Variants in GOLM1 observed in about 807,000 individuals in gnomAD.
GOLM1 encodes the protein golgi membrane protein 1.
GOLM1 carries 31 observed loss-of-function variants against 50.5 expected under a neutral mutation model. The ratio of observed to expected loss-of-function variants is 0.61; its 90% confidence interval spans 0.46 to 0.83. The LOEUF is 0.83. Ranked by LOEUF, GOLM1 falls within the 40% of genes least tolerant of loss-of-function variation. The pLI is 0.00. For missense variants in GOLM1, 491 were observed against 501.3 expected, an observed-to-expected ratio of 0.98 and a Z score of 0.20; for synonymous variants, 178 against 192.8, an observed-to-expected ratio of 0.92 and a Z score of 0.64.
chr9:86,082,289 G>A (rs1834808444), intron 1 of GOLM1, among the ~76,000 whole-genome samples: 1 of 151,808 alleles, frequency 6.6e-6, no homozygotes, highest in South Asian at 2.1e-4. Flanking sequence ...GCCTCCCAAA[G>A]TGCTGGGATT....
intron 9 of GOLM1, among the ~76,000 whole-genome samples, chr9:86,032,719 C>T (rs572017789): frequency 3.9e-5 from 6 of 152,090 alleles, no homozygotes; most frequent in Non-Finnish European, 8.8e-5. Context: ...TTGTGGGCAC[C>T]ATGTTAGCTA....
intron 6 of GOLM1, among the ~76,000 whole-genome samples, chr9:86,037,400 T>C (rs1323555373): frequency 1.4e-5 from 2 of 145,698 alleles, no homozygotes; most frequent in African/African-American, 5.1e-5. Flanking sequence ...ATCATGCCAT[T>C]GCATTCCAGC....
intron 3 of GOLM1, among the ~76,000 whole-genome samples, chr9:86,061,196 A>G (rs1466759967): frequency 6.6e-6 from 1 of 152,200 alleles, no homozygotes; most frequent in East Asian, 1.9e-4. Flanking sequence ...AGGCACACAT[A>G]AGCTTGCCAC....
intron 3 of GOLM1, among the ~76,000 whole-genome samples, chr9:86,060,922 A>G (rs1393826591): frequency 7.5e-5 from 11 of 146,960 alleles, no homozygotes; most frequent in Admixed American, 2.0e-4. Flanking sequence ...AAAGAAGAAG[A>G]AGAAGAAGTT....
intron 5 of GOLM1, among the ~76,000 whole-genome samples, chr9:86,041,109 T>A (rs566437891): frequency 1.2e-3 from 175 of 151,874 alleles, no homozygotes; most frequent in African/African-American, 3.6e-3. Context: ...AGGCAGAAAA[T>A]TTTTTTTTAA....
At chr9:86,037,504 T>A (rs911908240) in intron 6 of GOLM1, among the ~76,000 whole-genome samples, 1 of 151,288 alleles carries the variant, frequency 6.6e-6, no homozygotes, top group Admixed American at 6.6e-5. Context: ...CCAAAACTTA[T>A]GGGAAGCAGC....
In GOLM1 at chr9:86,070,067, T is replaced by G. The variant is rs540510329; in HGVS notation, c.309+7345A>C. 9.2e-5 allele frequency among the ~76,000 whole-genome samples: 14 copies of G among 152,038 alleles called. No individual in the cohort carries two copies. In the South Asian group the frequency reaches 2.7e-3, roughly 29 times the overall value. On this transcript the variant is annotated intron_variant, in intron 3 of 9. Coordinates refer to ENST00000388712, the MANE Select transcript of GOLM1 (RefSeq NM_016548.4). ...CCCGGATAATTTTTTGTATTTTTGG[T>G]AGAGACAGGGTTTCACCATGTTGGC...
chr9:86,091,968 C>T (rs1835198664), intron 1 of GOLM1, among the ~76,000 whole-genome samples: 1 of 152,190 alleles, frequency 6.6e-6, no homozygotes, highest in South Asian at 2.1e-4. Flanking sequence ...AGACTGGAAT[C>T]CCATTGCCAT....
chr9:86,066,034 T>C (rs951786707), intron 3 of GOLM1, among the ~76,000 whole-genome samples: 1 of 152,186 alleles, frequency 6.6e-6, no homozygotes, highest in African/African-American at 2.4e-5. Context: ...AGTGAGACTC[T>C]GTCTCCAGAA....
At position 86,057,493 on chromosome 9, in the gene GOLM1, A is replaced by G. The variant is rs941259164; in HGVS notation, c.310-4902T>C. Among the ~76,000 whole-genome samples, 50 of 152,040 alleles carry G rather than the reference A, an allele frequency of 3.3e-4. 1 individual carries two copies. The highest frequency in any genetic ancestry group is 1.9e-4 in the East Asian group (1 of 5,140). On this transcript the variant is annotated intron_variant, in intron 3 of 9. Transcript: ENST00000388712. The stretch of plus-strand genomic sequence containing the variant: ...TTGGGAGGAGTGCCTCCCGGCTCCC[A>G]CCTGTGGGCTCACCCGAGCCGGGGT...
chr9:86,058,823 C>T (rs1265303328), intron 3 of GOLM1, among the ~76,000 whole-genome samples: 1 of 151,834 alleles, frequency 6.6e-6, no homozygotes, highest in Non-Finnish European at 1.5e-5. Context: ...ATGGCAAAAC[C>T]CCATCTCTAC....
In GOLM1 at chr9:86,090,135, A is replaced by G. The variant is rs192147440; in HGVS notation, c.-22+9276T>C. On this transcript the variant is annotated intron_variant, in intron 1 of 9. Coordinates refer to ENST00000388712, the MANE Select transcript of GOLM1 (RefSeq NM_016548.4). ...TCTGGAAGCTTTGTCGCAGAGGGGC[A>G]CCCACTAGATGCCAGCCGGAGCTCT... 6.6e-5 allele frequency among the ~76,000 whole-genome samples: 10 copies of G among 152,214 alleles called. No individual in the cohort carries two copies. The East Asian group carries it at 1.7e-3, about 27-fold the overall frequency.
chr9:86,071,364 C>T (rs1350810264), intron 3 of GOLM1, among the ~76,000 whole-genome samples: 1 of 152,076 alleles, frequency 6.6e-6, no homozygotes, highest in Non-Finnish European at 1.5e-5. Context: ...TCCCAAAGCA[C>T]CTATTTTTTT....
chr9:86,083,648 A>G (rs1834855325), intron 1 of GOLM1, among the ~76,000 whole-genome samples: 1 of 152,212 alleles, frequency 6.6e-6, no homozygotes, highest in Admixed American at 6.5e-5. Context: ...TCGGCCTCCC[A>G]AAGTGCTGGG....
chr9:86,040,927 G>T (rs1352946026), intron 5 of GOLM1, 59 bp from the exon 6 acceptor site: 34 of 1,535,030 alleles, frequency 2.2e-5, no homozygotes, highest in Non-Finnish European at 2.9e-5. Flanking sequence ...TCTGCTGGAC[G>T]GTGACATCCA....
chr9:86,047,136 A>G (rs1833573537), intron 4 of GOLM1, among the ~76,000 whole-genome samples: 1 of 143,654 alleles, frequency 7.0e-6, no homozygotes. Context: ...CACTCTCATC[A>G]GGGAAAGAGC....
intron 7 of GOLM1, among the ~76,000 whole-genome samples, chr9:86,035,866 C>CAAAAAAA (rs1276980708): frequency 0.017 from 779 of 46,446 alleles, 46 homozygotes; most frequent in East Asian, 0.065. Flanking sequence ...AGTAGCTTAC[C>CAAAAAAA]AAAAAAAAAA....
At chr9:86,066,195 C>T (rs557992416) in intron 3 of GOLM1, among the ~76,000 whole-genome samples, 4 of 152,122 alleles carry the variant, frequency 2.6e-5, no homozygotes, top group African/African-American at 9.6e-5. Context: ...GGGAAGTGAC[C>T]CCATCCCAGG....
intron 9 of GOLM1, among the ~76,000 whole-genome samples, chr9:86,029,759 A>G (rs1832911863): frequency 6.6e-6 from 1 of 152,200 alleles, no homozygotes. Flanking sequence ...AGCTTCTTCA[A>G]AGAGCTGACA....
Sources: allele counts gnomAD v4.1 joint callset (sites outside exome capture counted in the v4.1 genomes callset), GRCh38; gene constraint gnomAD v4.1.1; transcripts MANE v1.5; gene names NCBI Gene and HGNC (gene_info 2026-07-23, HGNC 2026-07-21).